The following DNAH17 variants were observed in gnomAD, a reference collection of about 807,000 sequenced individuals.
The protein encoded by DNAH17 is axonemal beta dynein heavy chain 17.
In DNAH17, 376 loss-of-function variants were observed where a neutral mutation model predicts 485.6. The observed-to-expected ratio is 0.77, with a 90% CI of 0.71 to 0.84. The LOEUF (loss-of-function observed/expected upper bound fraction) is 0.84, where lower values mean the gene tolerates loss of function less well. Ranked by LOEUF, DNAH17 falls within the 40% of genes least tolerant of loss-of-function variation. The pLI is 0.00. For missense variants in DNAH17, 6,370 were observed against 5,839.3 expected, an observed-to-expected ratio of 1.09 and a Z score of -2.96; for synonymous variants, 3,031 against 2,405.9, an observed-to-expected ratio of 1.26 and a Z score of -7.60.
intron 75 of DNAH17, among the ~76,000 whole-genome samples, chr17:78,432,266 G>A (rs746210972): frequency 3.3e-5 from 5 of 152,226 alleles, no homozygotes; most frequent in South Asian, 2.1e-4. Flanking sequence ...TAGTCTCTGC[G>A]TGGTTTGGCC....
chr17:78,501,469 C>T, intron 34 of DNAH17, 125 bp from the exon 35 acceptor site: 2 of 1,235,826 alleles, frequency 1.6e-6, no homozygotes, highest in Non-Finnish European at 2.2e-6. Flanking sequence ...GCCCTCTTTC[C>T]CCCTCCAGCA....
chr17:78,465,642 A>C (rs1345861385), intron 56 of DNAH17, among the ~76,000 whole-genome samples: 2 of 140,062 alleles, frequency 1.4e-5, no homozygotes, highest in African/African-American at 5.5e-5. Context: ...GGAGGTGAGG[A>C]GCGTCTCTGC....
chr17:78,542,463 G>C (rs113743946), intron 17 of DNAH17, among the ~76,000 whole-genome samples: 1 of 152,096 alleles, frequency 6.6e-6, no homozygotes, highest in African/African-American at 2.4e-5. Flanking sequence ...TTGAGCTCAA[G>C]GGAGAATATT....
chr17:78,528,306 G>T (rs901317190), intron 22 of DNAH17, among the ~76,000 whole-genome samples: 1 of 152,144 alleles, frequency 6.6e-6, no homozygotes, highest in African/African-American at 2.4e-5. Context: ...TGTCACCCAG[G>T]CTAGAGTCCA....
In DNAH17 at chr17:78,476,741, A is replaced by C. The variant is rs777628768; in HGVS notation, c.7993-8T>G. 6.2e-7 allele frequency: 1 copy of C among 1,610,546 alleles called. No individual in the cohort carries two copies. Among genetic ancestry groups the C allele is most frequent in the Non-Finnish European group, 8.5e-7 (1 of 1,178,368 alleles). On this transcript the variant is annotated splice_region_variant and splice_polypyrimidine_tract_variant and intron_variant, in intron 51 of 80. Transcript: ENST00000389840. ...TGTGGAAAATAAGAGTCCCTGCCCCAAACACAGGATGATCAGCACCGTCAG... is the reference window on the plus strand; with the variant it reads ...TGTGGAAAATAAGAGTCCCTGCCCCCAACACAGGATGATCAGCACCGTCAG...
chr17:78,500,735 C>T, intron 35 of DNAH17: 1 of 250,620 alleles, frequency 4.0e-6, no homozygotes, highest in Non-Finnish European at 7.6e-6. Flanking sequence ...TCTCGAACTC[C>T]TGACGTCAGG....
At chr17:78,459,282 G>A (rs147561920) in intron 60 of DNAH17, 74 bp from the exon 61 acceptor site, 2 of 1,427,542 alleles carry the variant, frequency 1.4e-6, no homozygotes, top group East Asian at 2.3e-5. Context: ...GAAGCTGAGT[G>A]TCTTGCCCAG....
chr17:78,543,829 T>C, intron 17 of DNAH17, 28 bp downstream of exon 17: 2 of 1,613,938 alleles, frequency 1.2e-6, no homozygotes, highest in South Asian at 2.2e-5. Context: ...AAGTGGGTTC[T>C]CAAAAAACCT....
At chr17:78,524,484 C>T (rs540185391) in intron 25 of DNAH17, among the ~76,000 whole-genome samples, 40 of 152,186 alleles carry the variant, frequency 2.6e-4, no homozygotes, top group Middle Eastern at 6.8e-3. Flanking sequence ...TTCTCAGCCC[C>T]GGCCTGCTCC....
intron 54 of DNAH17, among the ~76,000 whole-genome samples, chr17:78,469,168 G>A (rs1187391339): frequency 6.6e-6 from 1 of 151,800 alleles, no homozygotes; most frequent in Non-Finnish European, 1.5e-5. Context: ...TTGAGACTGA[G>A]TCTCGCTCTG....
intron 6 of DNAH17, 52 bp from the exon 7 acceptor site, chr17:78,570,424 A>G (rs377099612): frequency 2.1e-5 from 33 of 1,573,502 alleles, no homozygotes; most frequent in Admixed American, 1.3e-4. Flanking sequence ...GCTGCACCTT[A>G]TCCCGGTGTC....
In DNAH17 at chr17:78,479,540, G is replaced by T; in HGVS notation, c.7845C>A (p.Arg2615=). The change falls in exon 50 of 81, where the codon CGC becomes CGA. Residue 2615 remains arginine, a synonymous_variant. Transcript: ENST00000389840. The part of the protein sequence containing the change: ...NTILTQHLAF[R]SVSMAIQRIS... ...TCCTCTGGATAGCCATGGAGACCGA[G>T]CGGAAGGCCAGGTGCTGCGTCAGGA... 6.2e-7 allele frequency: 1 copy of T among 1,613,680 alleles called. No homozygotes were observed. The highest frequency in any genetic ancestry group is 8.5e-7 in the Non-Finnish European group (1 of 1,179,892).
Position 78,431,365 on chromosome 17 carries a change from G to A in DNAH17, c.12226-2065C>T, listed in dbSNP as rs144704914. On this transcript the variant is annotated intron_variant, in intron 75 of 80. Coordinates refer to ENST00000389840, the MANE Select transcript of DNAH17 (RefSeq NM_173628.4). ...AGACCTGTGCCCCTCTCCCCCTCCTGGCCCCACACGCTCCTCAGGAGGGTT... is the reference window on the plus strand; with the variant it reads ...AGACCTGTGCCCCTCTCCCCCTCCTAGCCCCACACGCTCCTCAGGAGGGTT... Among the ~76,000 whole-genome samples the A allele has an allele frequency of 2.5e-4, 38 of 151,886 alleles. No homozygotes were observed. In the East Asian group the frequency reaches 7.1e-3, roughly 29 times the overall value.
chr17:78,490,577 G>A (rs2089804787), intron 44 of DNAH17, 122 bp downstream of exon 44: 3 of 1,372,596 alleles, frequency 2.2e-6, no homozygotes, highest in East Asian at 2.5e-5. Flanking sequence ...ACTGGTGCCT[G>A]GTGAGGGCCT....
At chr17:78,458,168 T>C (rs534802518) in intron 62 of DNAH17, among the ~76,000 whole-genome samples, 23 of 152,344 alleles carry the variant, frequency 1.5e-4, no homozygotes, top group African/African-American at 5.3e-4. Context: ...ATCTGGCACC[T>C]GGCATTATAT....
intron 25 of DNAH17, among the ~76,000 whole-genome samples, chr17:78,515,355 A>G (rs578159465): frequency 6.6e-6 from 1 of 152,210 alleles, no homozygotes; most frequent in African/African-American, 2.4e-5. Flanking sequence ...CTAAAAATAC[A>G]AAAATTAGCT....
chr17:78,453,989 C>T (rs1003395475), intron 64 of DNAH17, among the ~76,000 whole-genome samples: 4 of 152,206 alleles, frequency 2.6e-5, no homozygotes, highest in South Asian at 2.1e-4. Context: ...ATTACAGGTA[C>T]GAGCCACCAC....
At chr17:78,545,961 A>G (rs1598698172) in intron 16 of DNAH17, among the ~76,000 whole-genome samples, 1 of 141,562 alleles carries the variant, frequency 7.1e-6, no homozygotes, top group African/African-American at 2.6e-5. Flanking sequence ...TGTGAATAAG[A>G]CTACCATTTG....
In DNAH17 at chr17:78,555,748, C is replaced by T. The variant is rs536240468; in HGVS notation, c.2178+2360G>A. ...TGAGGTTGTTTCTGGATGAGATAAG[C>T]ATTGGAATGGGTGGGCTCAGGAAAG... On this transcript the variant is annotated intron_variant, in intron 14 of 80. Coordinates refer to ENST00000389840, the MANE Select transcript of DNAH17 (RefSeq NM_173628.4). 5.3e-5 allele frequency among the ~76,000 whole-genome samples: 8 copies of T among 152,168 alleles called. No homozygotes were observed. In the East Asian group the frequency reaches 1.4e-3, roughly 26 times the overall value.
Sources: gnomAD v4.1 joint callset for allele counts (sites outside exome capture counted in the v4.1 genomes callset) on GRCh38, gnomAD v4.1.1 for gene constraint, MANE v1.5 for transcripts, NCBI Gene and HGNC (gene_info 2026-07-23, HGNC 2026-07-21) for gene names.